SMG6: variants seen among roughly 807,000 people sequenced by gnomAD.
The protein encoded by SMG6 is SMG6 nonsense mediated mRNA decay factor.
In SMG6, 66 loss-of-function variants were observed where a neutral mutation model predicts 142.2. The observed-to-expected ratio is 0.46, with a 90% confidence interval of 0.38 to 0.57. The LOEUF (loss-of-function observed/expected upper bound fraction) is 0.57. SMG6 is among the 20% of genes least tolerant of loss of function. SMG6 has a pLI of 0.00. For synonymous variants in SMG6, 779 were observed against 702.4 expected (o/e 1.11, Z -1.72); for missense variants, 1,793 against 1,832.0 (o/e 0.98, Z 0.39).
At chr17:2,148,881 G>C (rs2070744999) in intron 13 of SMG6, among the ~76,000 whole-genome samples, 4 of 151,680 alleles carry the variant, frequency 2.6e-5, no homozygotes, top group Non-Finnish European at 5.9e-5. Flanking sequence ...AATTCAGAGA[G>C]AAAGTAAATA....
In SMG6 at chr17:2,107,382, C is replaced by T. The variant is rs1216299989; in HGVS notation, c.3358-21481G>A. On this transcript the variant is annotated intron_variant, in intron 13 of 18. Transcript: ENST00000263073. ...AAAAGTGGGGGAGAAATGCCAGCTA[C>T]GAAGTACTATGTCTTCTATGGAAAA... Among the ~76,000 whole-genome samples the T allele has an allele frequency of 2.6e-5, 4 of 152,190 alleles. No homozygotes were observed. The East Asian group carries it at 5.8e-4, about 22-fold the overall frequency.
At chr17:2,063,686 G>C (rs1253325694) in intron 18 of SMG6, among the ~76,000 whole-genome samples, 1 of 152,250 alleles carries the variant, frequency 6.6e-6, no homozygotes, top group Non-Finnish European at 1.5e-5. Flanking sequence ...GCTCCAGGCA[G>C]GGAGGCTGAG....
At chr17:2,224,214 C>A (rs565883749) in intron 10 of SMG6, among the ~76,000 whole-genome samples, 1 of 152,256 alleles carries the variant, frequency 6.6e-6, no homozygotes, top group African/African-American at 2.4e-5. Context: ...CTGATGAACT[C>A]GAGCTTTGCT....
Position 2,282,390 on chromosome 17 carries a change from CAAAA to C in SMG6, c.2661+253_2661+256del, listed in dbSNP as rs576759563. On this transcript the variant is annotated intron_variant, in intron 8 of 18. Coordinates refer to ENST00000263073, the MANE Select transcript of SMG6 (RefSeq NM_017575.5). ...GTTGATGACGCTGAACAAAAAGCAG[CAAAA>C]AAAAAAAAAAAAAAAAAAAAATTCT... Among the ~76,000 whole-genome samples the C allele has an allele frequency of 3.6e-3, 301 of 84,512 alleles. 1 individual carries two copies. The highest frequency in any genetic ancestry group is 0.011 in the African/African-American group (251 of 22,730). 55.4% of individuals were successfully genotyped at this position (84,512 alleles called of 152,430 possible). A position where few individuals can be genotyped will look rare whatever the true frequency, so the allele number is the denominator to read the frequency against.
chr17:2,072,278 C>T (rs2068125560), intron 15 of SMG6, among the ~76,000 whole-genome samples: 2 of 152,146 alleles, frequency 1.3e-5, no homozygotes, highest in African/African-American at 4.8e-5. Context: ...CCACAGGAAC[C>T]TTCTAACAGC....
intron 13 of SMG6, among the ~76,000 whole-genome samples, chr17:2,113,439 T>C (rs527687035): frequency 1.3e-5 from 2 of 152,268 alleles, no homozygotes; most frequent in Admixed American, 1.3e-4. Context: ...TAACATGCAC[T>C]AGGGTTACAA....
chr17:2,297,010 GAA>G (rs374673133), intron 4 of SMG6, among the ~76,000 whole-genome samples: 13 of 60,986 alleles, frequency 2.1e-4, no homozygotes, highest in African/African-American at 2.5e-4. Flanking sequence ...CTCAAAAAAT[GAA>G]AAAAAAAAAA....
chr17:2,220,561 T>TGCAGCC (rs2073143698), intron 10 of SMG6, among the ~76,000 whole-genome samples: 1 of 152,144 alleles, frequency 6.6e-6, no homozygotes, highest in Admixed American at 6.5e-5. Context: ...GCCCAAGAGT[T>TGCAGCC]CGAGGCTGCA....
At chr17:2,073,308 T>A (rs1277313294) in intron 15 of SMG6, among the ~76,000 whole-genome samples, 1 of 151,972 alleles carries the variant, frequency 6.6e-6, no homozygotes. Flanking sequence ...GGTCTCAAAC[T>A]CCCGACCTCA....
intron 8 of SMG6, among the ~76,000 whole-genome samples, chr17:2,249,643 A>C (rs1270152368): frequency 6.6e-6 from 1 of 152,104 alleles, no homozygotes; most frequent in Non-Finnish European, 1.5e-5. Context: ...CATTTTTAAC[A>C]ATACACCTAG....
intron 12 of SMG6, among the ~76,000 whole-genome samples, chr17:2,178,669 G>A (rs950231653): frequency 5.3e-5 from 8 of 152,118 alleles, no homozygotes; most frequent in African/African-American, 1.4e-4. Context: ...CAATATGTTC[G>A]GGGTCGGCGC....
intron 6 of SMG6, among the ~76,000 whole-genome samples, chr17:2,286,850 T>A (rs1259096612): frequency 6.6e-6 from 1 of 151,888 alleles, no homozygotes; most frequent in Non-Finnish European, 1.5e-5. Flanking sequence ...TTGCAAATTA[T>A]GTATCTAATA....
chr17:2,110,468 GAC>G (rs1491531705), intron 13 of SMG6, among the ~76,000 whole-genome samples: 4 of 152,100 alleles, frequency 2.6e-5, no homozygotes, highest in Non-Finnish European at 5.9e-5. Context: ...GATATACTAT[GAC>G]ACACGCACAC....
intron 14 of SMG6, among the ~76,000 whole-genome samples, chr17:2,084,119 A>G (rs922638491): frequency 1.3e-5 from 2 of 152,192 alleles, no homozygotes; most frequent in Non-Finnish European, 2.9e-5. Context: ...CACTTGCCTC[A>G]CTGGATTTGG....
chr17:2,289,941 CATATAT>C (rs3055883), intron 6 of SMG6, among the ~76,000 whole-genome samples: 3,862 of 141,568 alleles, frequency 0.027, 177 homozygotes, highest in African/African-American at 0.093. Context: ...TTATTTTATA[CATATAT>C]ATATATATAT....
In SMG6 at chr17:2,065,081, G is replaced by A. The variant is rs770495767; in HGVS notation, c.4121C>T (p.Ala1374Val). 10 of 1,613,468 alleles carry A rather than the reference G, an allele frequency of 6.2e-6. No homozygotes were observed. In the Admixed American group the frequency reaches 8.3e-5, roughly 13 times the overall value. The stretch of plus-strand genomic sequence containing the variant: ...CGGAGGCAAAGCTGTACCTTTGCTG[G>A]CGGGCATGAAGTCCTTAGCCTTGTC... The part of the protein sequence containing the change: ...CKDKAKDFMP[A>V]SKEEPIRLLR... The change falls in exon 18 of 19, where the codon GCC (alanine) becomes GTC (valine). Residue 1374 changes from alanine to valine, a missense_variant. Ala to Val is a moderately conservative substitution (Grantham distance 64, BLOSUM62 0). This residue lies in a region of SMG6 where 179 missense variants were observed against 212.6 expected (regional missense o/e 0.84). Coordinates refer to ENST00000263073, the MANE Select transcript of SMG6 (RefSeq NM_017575.5).
At chr17:2,137,635 A>G (rs556653316) in intron 13 of SMG6, among the ~76,000 whole-genome samples, 6 of 152,180 alleles carry the variant, frequency 3.9e-5, no homozygotes. Flanking sequence ...TTAAGTGAGA[A>G]TGAAGGGATA....
At chr17:2,186,597 G>C in intron 12 of SMG6, 66 bp downstream of exon 12, 1 of 1,563,180 alleles carries the variant, frequency 6.4e-7, no homozygotes, top group Non-Finnish European at 8.8e-7. Context: ...AGGATGAAGA[G>C]GGGAGCTGTA....
At chr17:2,197,232 T>C (rs2072357153) in intron 10 of SMG6, among the ~76,000 whole-genome samples, 2 of 152,132 alleles carry the variant, frequency 1.3e-5, no homozygotes, top group Admixed American at 6.5e-5. Context: ...GTAAACCACA[T>C]ATCTGCCGAA....
Sources: allele counts gnomAD v4.1 joint callset (sites outside exome capture counted in the v4.1 genomes callset), GRCh38; gene constraint gnomAD v4.1.1; regional missense constraint gnomAD v4.1.1; transcripts MANE v1.5; gene names NCBI Gene and HGNC (gene_info 2026-07-23, HGNC 2026-07-21).